The following STAC variants were observed in gnomAD, a reference collection of about 807,000 sequenced individuals.
STAC encodes SH3 and cysteine-rich domain-containing protein.
In STAC, 43 loss-of-function variants were observed where a neutral mutation model predicts 48.8. The observed-to-expected ratio is 0.88, with a 90% CI of 0.69 to 1.14. STAC has a LOEUF of 1.14. Ranked by LOEUF, STAC falls within the 50% of genes most tolerant of loss-of-function variation. The pLI is 0.00. For missense variants in STAC, 497 were observed against 504.0 expected (o/e 0.99, Z 0.13); for synonymous variants, 193 against 179.5 (o/e 1.07, Z -0.60).
At chr3:36,532,330 T>C (rs1699092389) in intron 10 of STAC, among the ~76,000 whole-genome samples, 1 of 152,222 alleles carries the variant, frequency 6.6e-6, no homozygotes, top group Admixed American at 6.5e-5. Context: ...TAAAAATTGC[T>C]TATATGATAT....
At chr3:36,516,383 G>A (rs1698674240) in intron 8 of STAC, among the ~76,000 whole-genome samples, 1 of 152,016 alleles carries the variant, frequency 6.6e-6, no homozygotes, top group Non-Finnish European at 1.5e-5. Flanking sequence ...TTAGGTGAGT[G>A]AATACTTTTC....
chr3:36,494,023 G>T (rs1421648717), intron 6 of STAC, among the ~76,000 whole-genome samples: 7 of 151,280 alleles, frequency 4.6e-5, no homozygotes, highest in African/African-American at 1.5e-4. Flanking sequence ...GTGATGGTGG[G>T]CGCCTGTAGT....
intron 10 of STAC, among the ~76,000 whole-genome samples, chr3:36,536,218 T>G (rs1164847506): frequency 6.6e-6 from 1 of 152,096 alleles, no homozygotes; most frequent in African/African-American, 2.4e-5. Context: ...GCCATTGACA[T>G]TCTTCACAGA....
intron 2 of STAC, among the ~76,000 whole-genome samples, chr3:36,444,436 T>C (rs966606978): frequency 6.6e-6 from 1 of 152,176 alleles, no homozygotes; most frequent in African/African-American, 2.4e-5. Flanking sequence ...GACTCAGCTT[T>C]GTTATTGCAT....
intron 1 of STAC, among the ~76,000 whole-genome samples, chr3:36,382,711 G>T (rs1162930017): frequency 1.3e-5 from 2 of 152,168 alleles, no homozygotes; most frequent in African/African-American, 2.4e-5. Flanking sequence ...ACTGCTAGTA[G>T]GGAGGAACGT....
At chr3:36,509,134 T>A (rs1365635928) in intron 8 of STAC, among the ~76,000 whole-genome samples, 2 of 152,182 alleles carry the variant, frequency 1.3e-5, no homozygotes, top group Admixed American at 6.5e-5. Flanking sequence ...TCTCTCAGCA[T>A]TTGCTTGTCA....
At chr3:36,409,339 G>A (rs2125633344) in intron 1 of STAC, among the ~76,000 whole-genome samples, 1 of 152,112 alleles carries the variant, frequency 6.6e-6, no homozygotes, top group East Asian at 1.9e-4. Context: ...TCAGAATTTT[G>A]TTGATTTATG....
intron 2 of STAC, among the ~76,000 whole-genome samples, chr3:36,464,606 A>T (rs570794222): frequency 3.3e-4 from 50 of 152,098 alleles, no homozygotes; most frequent in African/African-American, 1.2e-3. Flanking sequence ...TCTTTCCCCC[A>T]AGTCCCCGAA....
chr3:36,487,617 C>A (rs1031046802), intron 5 of STAC, among the ~76,000 whole-genome samples: 1 of 152,114 alleles, frequency 6.6e-6, no homozygotes, highest in East Asian at 1.9e-4. Flanking sequence ...AAACCAATAG[C>A]GAAGAAATTT....
chr3:36,402,305 G>A (rs1700012682), intron 1 of STAC, among the ~76,000 whole-genome samples: 1 of 151,916 alleles, frequency 6.6e-6, no homozygotes, highest in South Asian at 2.1e-4. Flanking sequence ...GAAGAAGAAG[G>A]AAGGAAGGGA....
intron 1 of STAC, among the ~76,000 whole-genome samples, chr3:36,398,337 AAGAAAGAAAG>A (rs1699901727): frequency 7.4e-6 from 1 of 135,858 alleles, no homozygotes; most frequent in South Asian, 2.3e-4. Context: ...GAAAGAAAGA[AAGAAAGAAAG>A]AAAGAAAGAA....
chr3:36,427,110 A>G (rs1358164737), intron 1 of STAC, among the ~76,000 whole-genome samples: 2 of 152,078 alleles, frequency 1.3e-5, no homozygotes, highest in African/African-American at 4.8e-5. Flanking sequence ...GTTAGCCTCC[A>G]CCTTTCTCAC....
At chr3:36,526,208 A>C (rs751999683) in intron 8 of STAC, among the ~76,000 whole-genome samples, 1 of 152,132 alleles carries the variant, frequency 6.6e-6, no homozygotes, top group Admixed American at 6.5e-5. Flanking sequence ...AAAGCGTGAG[A>C]GTCTGCAGTG....
chr3:36,444,888 T>C (rs968808444), intron 2 of STAC, among the ~76,000 whole-genome samples: 2 of 152,174 alleles, frequency 1.3e-5, no homozygotes, highest in Non-Finnish European at 2.9e-5. Context: ...TTGGGGTTGC[T>C]GGGCCGGGGG....
chr3:36,399,569 G>A (rs929506475), intron 1 of STAC, among the ~76,000 whole-genome samples: 2 of 152,206 alleles, frequency 1.3e-5, no homozygotes, highest in African/African-American at 2.4e-5. Flanking sequence ...CACTTGGCAA[G>A]ATTTCATTTG....
intron 1 of STAC, among the ~76,000 whole-genome samples, chr3:36,399,427 A>C (rs73054157): frequency 6.6e-6 from 1 of 152,240 alleles, no homozygotes; most frequent in Non-Finnish European, 1.5e-5. Context: ...ATAAGTCTAT[A>C]AGGGCTTTTG....
intron 2 of STAC, among the ~76,000 whole-genome samples, chr3:36,482,676 A>G (rs1697681621): frequency 6.6e-6 from 1 of 152,226 alleles, no homozygotes; most frequent in African/African-American, 2.4e-5. Flanking sequence ...GAAAAGTAGA[A>G]TTGAGTAACC....
At chr3:36,439,042 C>T (rs998695631) in intron 1 of STAC, among the ~76,000 whole-genome samples, 2 of 152,184 alleles carry the variant, frequency 1.3e-5, no homozygotes, top group Non-Finnish European at 2.9e-5. Flanking sequence ...TTGTCATCTC[C>T]CTGGAGGTGG....
intron 1 of STAC, among the ~76,000 whole-genome samples, chr3:36,412,109 G>T (rs1273767280): frequency 6.6e-6 from 1 of 152,144 alleles, no homozygotes; most frequent in Non-Finnish European, 1.5e-5. Flanking sequence ...AAGTCTGGAG[G>T]TGGGAAGTGG....
Sources: gnomAD v4.1 joint callset for allele counts (sites outside exome capture counted in the v4.1 genomes callset) on GRCh38, gnomAD v4.1.1 for gene constraint, MANE v1.5 for transcripts, NCBI Gene and HGNC (gene_info 2026-07-23, HGNC 2026-07-21) for gene names.